Variants in CRACR2A observed in about 807,000 individuals in gnomAD.
CRACR2A encodes the protein EF-hand calcium-binding domain-containing protein 4B.
CRACR2A carries 79 observed loss-of-function variants against 90.5 expected under a neutral mutation model. The ratio of observed to expected loss-of-function variants is 0.87; its 90% confidence interval spans 0.73 to 1.05. The LOEUF (loss-of-function observed/expected upper bound fraction) is 1.05. CRACR2A is among the 50% of genes least tolerant of loss of function. The pLI is 0.00. For synonymous variants in CRACR2A, 338 were observed against 356.7 expected (o/e 0.95, Z 0.59); for missense variants, 823 against 897.2 (o/e 0.92, Z 1.06).
chr12:3,658,435 T>C (rs1168594777), intron 8 of CRACR2A, among the ~76,000 whole-genome samples: 3 of 152,074 alleles, frequency 2.0e-5, no homozygotes, highest in Non-Finnish European at 4.4e-5. Flanking sequence ...TGGGATCTGC[T>C]GATGAGAAGT....
intron 15 of CRACR2A, among the ~76,000 whole-genome samples, chr12:3,629,471 G>A (rs1944339229): frequency 1.3e-5 from 2 of 152,232 alleles, no homozygotes; most frequent in East Asian, 3.9e-4. Context: ...CCTGCTTTCT[G>A]GTAACAACTC....
intron 4 of CRACR2A, among the ~76,000 whole-genome samples, chr12:3,688,782 T>C (rs1312201572): frequency 6.6e-6 from 1 of 152,242 alleles, no homozygotes; most frequent in Non-Finnish European, 1.5e-5. Context: ...TTAGGCAGTA[T>C]GGCCATTTTA....
intron 7 of CRACR2A, among the ~76,000 whole-genome samples, chr12:3,662,679 G>A (rs1161397417): frequency 6.6e-6 from 1 of 152,218 alleles, no homozygotes; most frequent in African/African-American, 2.4e-5. Context: ...AAATAACTCA[G>A]TCAATAAAAG....
chr12:3,671,905 G>C (rs2137569524), intron 7 of CRACR2A, among the ~76,000 whole-genome samples: 1 of 152,338 alleles, frequency 6.6e-6, no homozygotes, highest in Middle Eastern at 3.4e-3. Context: ...CTGAGACTCA[G>C]AGAGGTTAGG....
intron 1 of CRACR2A, among the ~76,000 whole-genome samples, chr12:3,735,100 CTA>C (rs987534614): frequency 1.3e-5 from 2 of 152,042 alleles, no homozygotes; most frequent in East Asian, 1.9e-4. Context: ...TCTTTGAATT[CTA>C]TGTTAACCAA....
chr12:3,744,897 G>C (rs972572429), intron 1 of CRACR2A, among the ~76,000 whole-genome samples: 3 of 152,098 alleles, frequency 2.0e-5, no homozygotes, highest in African/African-American at 7.2e-5. Context: ...TATACTTACT[G>C]CCACTGCGCA....
At position 3,654,258 on chromosome 12, in the gene CRACR2A, C is replaced by T. The variant is rs778959489; in HGVS notation, c.1000G>A (p.Glu334Lys). The stretch of plus-strand genomic sequence containing the variant: ...TTGCAGGCCTCTTGCTGGAGGCTTT[C>T]CAACTGCTGCTGAGCATCCTGGAGC... ...WELQDAQQQL[E>K]SLQQEACKLH... is the part of the protein sequence containing the mutation. Residue 334 changes from glutamate (E) to lysine (K), a missense_variant, in exon 10 of 20, where the codon GAA becomes AAA. Transcript: ENST00000440314. 6 of 1,613,780 alleles carry T rather than the reference C, an allele frequency of 3.7e-6. No individual in the cohort carries two copies. Among genetic ancestry groups the T allele is most frequent in the Non-Finnish European group, 5.1e-6 (6 of 1,179,932 alleles).
intron 14 of CRACR2A, among the ~76,000 whole-genome samples, chr12:3,637,218 A>G (rs939221454): frequency 6.6e-6 from 1 of 152,252 alleles, no homozygotes; most frequent in Admixed American, 6.5e-5. Context: ...ATTAAGAACC[A>G]AGAGAAAAAT....
intron 19 of CRACR2A, among the ~76,000 whole-genome samples, chr12:3,616,592 G>C (rs547491673): frequency 6.6e-6 from 1 of 152,310 alleles, no homozygotes; most frequent in Admixed American, 6.5e-5. Context: ...CTTCCAGCTA[G>C]TCCCTGCTAA....
At chr12:3,662,385 C>T (rs1945052225) in intron 7 of CRACR2A, among the ~76,000 whole-genome samples, 2 of 152,224 alleles carry the variant, frequency 1.3e-5, no homozygotes, top group South Asian at 4.1e-4. Flanking sequence ...AGCTCCTTTC[C>T]TCAGTGTGAC....
rs1945968177 is a variant in CRACR2A at position 3,708,683 on chromosome 12, C to T, written c.-37+4554G>A. ...CTCGTGATCCGCCGGCCTCGGCCTC[C>T]CAAAGTGCTGGGATTACAGGCGTGA... On this transcript the variant is annotated intron_variant, in intron 3 of 19. Coordinates refer to ENST00000440314, the MANE Select transcript of CRACR2A (RefSeq NM_001144958.2). Among the ~76,000 whole-genome samples the T allele has an allele frequency of 2.0e-5, 3 of 152,314 alleles. No homozygotes were observed. In the South Asian group the frequency reaches 6.2e-4, roughly 32 times the overall value.
At chr12:3,626,798 C>A (rs1944270606) in intron 17 of CRACR2A, among the ~76,000 whole-genome samples, 1 of 151,388 alleles carries the variant, frequency 6.6e-6, no homozygotes, top group Non-Finnish European at 1.5e-5. Context: ...CGACATACTG[C>A]AAGTAGGAAT....
intron 10 of CRACR2A, 91 bp from the exon 11 acceptor site, chr12:3,648,704 G>A: frequency 6.6e-7 from 1 of 1,513,408 alleles, no homozygotes; most frequent in Non-Finnish European, 8.9e-7. Context: ...GTGATGCCGT[G>A]CTGGGGATGG....
chr12:3,625,133 T>A (rs370603708), intron 17 of CRACR2A, among the ~76,000 whole-genome samples: 9 of 152,194 alleles, frequency 5.9e-5, no homozygotes, highest in African/African-American at 2.2e-4. Context: ...AGAAAAGCCC[T>A]GTTTACACAT....
chr12:3,686,625 C>G (rs375531088), intron 4 of CRACR2A, among the ~76,000 whole-genome samples: 1 of 152,120 alleles, frequency 6.6e-6, no homozygotes, highest in African/African-American at 2.4e-5. Flanking sequence ...CTCTCTGTAG[C>G]CTTTTCCTCT....
rs145641290 is a variant in CRACR2A at position 3,655,230 on chromosome 12, C to T, written c.859-831G>A. The stretch of plus-strand genomic sequence containing the variant: ...TGCAGTAATTAAATCGAGTGGCAAT[C>T]ATTCATTTGAGGGATAAATGTAATT... On this transcript the variant is annotated intron_variant, in intron 9 of 19. Coordinates refer to ENST00000440314, the MANE Select transcript of CRACR2A (RefSeq NM_001144958.2). 2.7e-3 allele frequency among the ~76,000 whole-genome samples: 415 copies of T among 152,304 alleles called. 2 individuals carry two copies. Among genetic ancestry groups the T allele is most frequent in the Non-Finnish European group, 3.9e-3 (262 of 68,028 alleles).
At chr12:3,656,234 C>G (rs1944904538) in intron 9 of CRACR2A, 77 bp downstream of exon 9, 1 of 1,408,828 alleles carries the variant, frequency 7.1e-7, no homozygotes, top group South Asian at 1.2e-5. Context: ...AAGTGAATGG[C>G]AGGGAAAGTG....
In CRACR2A at chr12:3,641,840, T is replaced by G. The variant is rs1400517645; in HGVS notation, c.1165-2A>C. ...GTTTGCCTTGGCTGCCTTATTTTTC[T>G]GTAGAAACACAAAATGTCCTCAGAT... is the stretch of plus-strand genomic sequence containing the variant. On this transcript the variant is annotated splice_acceptor_variant, in intron 12 of 19. Coordinates refer to ENST00000440314, the MANE Select transcript of CRACR2A (RefSeq NM_001144958.2). LOFTEE classifies it high-confidence loss of function. The G allele has an allele frequency of 6.4e-7, 1 of 1,551,520 alleles. No homozygotes were observed. Among genetic ancestry groups the G allele is most frequent in the Non-Finnish European group, 8.7e-7 (1 of 1,146,926 alleles).
At chr12:3,748,635 C>T (rs901774054) in intron 1 of CRACR2A, among the ~76,000 whole-genome samples, 6 of 152,200 alleles carry the variant, frequency 3.9e-5, no homozygotes, top group South Asian at 2.1e-4. Flanking sequence ...AGGAACCCGT[C>T]CCTAATATTG....
Sources: allele counts gnomAD v4.1 joint callset (sites outside exome capture counted in the v4.1 genomes callset), GRCh38; gene constraint gnomAD v4.1.1; transcripts MANE v1.5; gene names NCBI Gene and HGNC (gene_info 2026-07-23, HGNC 2026-07-21).